Variants in TCF7L1 observed in about 807,000 individuals in gnomAD.
The protein encoded by TCF7L1 is transcription factor 7-like 1.
TCF7L1 carries 18 observed loss-of-function variants against 63.7 expected under a neutral mutation model. The ratio of observed to expected loss-of-function variants is 0.28; its 90% CI spans 0.20 to 0.42. The LOEUF is 0.42. Among genes scored for constraint, TCF7L1 ranks in the 10% least tolerant of loss-of-function variants. The pLI, the probability that TCF7L1 is intolerant of heterozygous loss-of-function variation, is 1.00. For missense variants in TCF7L1, 654 were observed against 779.3 expected (o/e 0.84, Z 1.91); for synonymous variants, 355 against 340.9 (o/e 1.04, Z -0.46).
intron 3 of TCF7L1, among the ~76,000 whole-genome samples, chr2:85,153,340 A>ATGTTTTTTT (rs750002994): frequency 9.8e-6 from 1 of 102,306 alleles, no homozygotes; most frequent in Non-Finnish European, 1.8e-5. Flanking sequence ...GCCTTTATAA[A>ATGTTTTTTT]TTTTTTTTTT....
intron 3 of TCF7L1, among the ~76,000 whole-genome samples, chr2:85,263,423 G>A (rs1015260689): frequency 2.0e-5 from 3 of 152,112 alleles, no homozygotes; most frequent in Admixed American, 1.3e-4. Context: ...GCAGTGAGCA[G>A]CAGAGATGAA....
At chr2:85,186,201 T>C (rs984562539) in intron 3 of TCF7L1, among the ~76,000 whole-genome samples, 2 of 152,090 alleles carry the variant, frequency 1.3e-5, no homozygotes, top group Non-Finnish European at 2.9e-5. Context: ...TCTCCTGACC[T>C]CGTGATCCGC....
intron 3 of TCF7L1, among the ~76,000 whole-genome samples, chr2:85,214,030 T>G (rs1679632317): frequency 6.6e-6 from 1 of 152,132 alleles, no homozygotes; most frequent in Non-Finnish European, 1.5e-5. Context: ...CTCAGCCACC[T>G]CCGGGGCGGT....
chr2:85,242,651 G>A (rs1296029940), intron 3 of TCF7L1, among the ~76,000 whole-genome samples: 1 of 152,140 alleles, frequency 6.6e-6, no homozygotes, highest in African/African-American at 2.4e-5. Context: ...AAATGTTGAG[G>A]CCAGCCTTGT....
At chr2:85,141,366 T>C (rs530313499) in intron 3 of TCF7L1, among the ~76,000 whole-genome samples, 1 of 152,294 alleles carries the variant, frequency 6.6e-6, no homozygotes, top group South Asian at 2.1e-4. Context: ...AGACATTAGC[T>C]CAGTGCTTCC....
chr2:85,159,981 A>G (rs1362250652), intron 3 of TCF7L1, among the ~76,000 whole-genome samples: 1 of 152,090 alleles, frequency 6.6e-6, no homozygotes, highest in Non-Finnish European at 1.5e-5. Context: ...GGACACTGTC[A>G]CATGGTGGGG....
At chr2:85,193,606 G>A (rs1679086559) in intron 3 of TCF7L1, among the ~76,000 whole-genome samples, 1 of 152,192 alleles carries the variant, frequency 6.6e-6, no homozygotes, top group South Asian at 2.1e-4. Flanking sequence ...TTGAGTGATA[G>A]TATTCTACCA....
chr2:85,210,545 T>G (rs142617912), intron 3 of TCF7L1, among the ~76,000 whole-genome samples: 1 of 152,286 alleles, frequency 6.6e-6, no homozygotes, highest in African/African-American at 2.4e-5. Flanking sequence ...GAAAACACCA[T>G]AGCCAAGATT....
intron 3 of TCF7L1, among the ~76,000 whole-genome samples, chr2:85,171,543 A>G (rs1393519561): frequency 6.6e-6 from 1 of 152,266 alleles, no homozygotes; most frequent in African/African-American, 2.4e-5. Context: ...TGCCTTTGTC[A>G]GAGTCCTTCA....
intron 3 of TCF7L1, among the ~76,000 whole-genome samples, chr2:85,138,175 G>T (rs1381347763): frequency 1.3e-5 from 2 of 152,150 alleles, no homozygotes; most frequent in South Asian, 2.1e-4. Context: ...GCACACGAAA[G>T]GCTTTGCTTT....
chr2:85,150,387 C>T (rs1677981129), intron 3 of TCF7L1, among the ~76,000 whole-genome samples: 1 of 152,162 alleles, frequency 6.6e-6, no homozygotes, highest in African/African-American at 2.4e-5. Flanking sequence ...GCGCCCGCCA[C>T]CACGCCTGGC....
chr2:85,156,189 T>C (rs1190996727), intron 3 of TCF7L1, among the ~76,000 whole-genome samples: 1 of 152,176 alleles, frequency 6.6e-6, no homozygotes, highest in East Asian at 1.9e-4. Context: ...GTGAGCCAAG[T>C]GGGTAGGTAT....
At chr2:85,170,274 A>G (rs1678517421) in intron 3 of TCF7L1, among the ~76,000 whole-genome samples, 1 of 152,150 alleles carries the variant, frequency 6.6e-6, no homozygotes, top group African/African-American at 2.4e-5. Flanking sequence ...TCATTTTCAG[A>G]AGCATCAAGC....
intron 3 of TCF7L1, among the ~76,000 whole-genome samples, chr2:85,161,906 G>A (rs1309295968): frequency 6.6e-6 from 1 of 152,150 alleles, no homozygotes; most frequent in African/African-American, 2.4e-5. Flanking sequence ...GGGGAGCCAG[G>A]GGAACAGTCC....
At chr2:85,267,362 CT>C (rs1681001258) in intron 3 of TCF7L1, among the ~76,000 whole-genome samples, 1 of 142,072 alleles carries the variant, frequency 7.0e-6, no homozygotes, top group Non-Finnish European at 1.5e-5. Context: ...AAGAGTTGGC[CT>C]TTGGGGCTGG....
intron 3 of TCF7L1, among the ~76,000 whole-genome samples, chr2:85,171,279 T>C (rs1295751458): frequency 6.6e-6 from 1 of 152,200 alleles, no homozygotes; most frequent in Non-Finnish European, 1.5e-5. Flanking sequence ...CTCGTGGGAA[T>C]TGTGGGAGCT....
intron 3 of TCF7L1, among the ~76,000 whole-genome samples, chr2:85,209,798 C>T (rs1472644356): frequency 6.6e-6 from 1 of 152,148 alleles, no homozygotes; most frequent in Non-Finnish European, 1.5e-5. Context: ...TATTGCATTT[C>T]CTGATTATGA....
intron 3 of TCF7L1, among the ~76,000 whole-genome samples, chr2:85,272,565 G>A (rs892714548): frequency 4.6e-5 from 7 of 151,704 alleles, no homozygotes; most frequent in African/African-American, 1.5e-4. Flanking sequence ...AGGCTAAGGC[G>A]AAAGGATCAC....
chr2:85,155,166 A>T (rs1365369415), intron 3 of TCF7L1, among the ~76,000 whole-genome samples: 2 of 152,118 alleles, frequency 1.3e-5, no homozygotes, highest in African/African-American at 4.8e-5. Flanking sequence ...AGCCAGCTGG[A>T]CTTCCTTGGT....
Sources: gnomAD v4.1 joint callset for allele counts (sites outside exome capture counted in the v4.1 genomes callset) on GRCh38, gnomAD v4.1.1 for gene constraint, MANE v1.5 for transcripts, NCBI Gene and HGNC (gene_info 2026-07-23, HGNC 2026-07-21) for gene names.